The following ARSB variants were observed in gnomAD, a reference collection of about 807,000 sequenced individuals.
ARSB encodes the protein N-acetylgalactosamine-4-sulfatase.
A neutral mutation model predicts 50.9 loss-of-function variants in ARSB; 41 were observed. That is an observed-to-expected ratio of 0.81 (90% CI 0.63 to 1.04). The LOEUF (loss-of-function observed/expected upper bound fraction) is 1.04. ARSB is among the 50% of genes least tolerant of loss of function. The probability of loss-of-function intolerance (pLI) is 0.00; values close to 1 mark genes in which losing one functional copy is unlikely to be tolerated. For missense variants in ARSB, 672 were observed against 693.3 expected (o/e 0.97, Z 0.35); for synonymous variants, 269 against 284.8 (o/e 0.94, Z 0.56).
rs374660597 is a variant in ARSB, at chr5:78,976,357, G to A, written c.313-7165C>T. Among the ~76,000 whole-genome samples the A allele has an allele frequency of 1.0e-4, 14 of 140,494 alleles. No homozygotes were observed. The East Asian group carries it at 2.8e-3, about 28-fold the overall frequency. 92.2% of individuals were successfully genotyped at this position (140,494 alleles called of 152,430 possible). A position where few individuals can be genotyped will look rare whatever the true frequency, so the allele number is the denominator to read the frequency against. On this transcript the variant is annotated intron_variant, in intron 1 of 7. Transcript: ENST00000264914. ...ACTGGAGTGCAGTGGCACCATCCTG[G>A]CTCACTGCAAACTCTGCCTCCCCAG...
At chr5:78,964,084 A>T (rs1223629315) in intron 3 of ARSB, among the ~76,000 whole-genome samples, 1 of 152,200 alleles carries the variant, frequency 6.6e-6, no homozygotes, top group Non-Finnish European at 1.5e-5. Flanking sequence ...CAAAATTTTT[A>T]AACTATATTT....
At chr5:78,790,634 T>A (rs1009705943) in intron 6 of ARSB, among the ~76,000 whole-genome samples, 5 of 152,260 alleles carry the variant, frequency 3.3e-5, no homozygotes, top group African/African-American at 1.2e-4. Flanking sequence ...AAGTGTTCTA[T>A]GTATAACTCA....
intron 5 of ARSB, among the ~76,000 whole-genome samples, chr5:78,846,514 A>G (rs1745451008): frequency 6.6e-6 from 1 of 152,182 alleles, no homozygotes; most frequent in Non-Finnish European, 1.5e-5. Context: ...TATGAATATG[A>G]GATATCTTTT....
chr5:78,790,712 T>C (rs79995260), intron 6 of ARSB, among the ~76,000 whole-genome samples: 12,433 of 152,260 alleles, frequency 0.082, 594 homozygotes, highest in Middle Eastern at 0.17. Context: ...GTAGCTATTA[T>C]CATCAGTATA....
At chr5:78,818,399 A>T (rs1744081220) in intron 6 of ARSB, among the ~76,000 whole-genome samples, 1 of 152,196 alleles carries the variant, frequency 6.6e-6, no homozygotes, top group African/African-American at 2.4e-5. Context: ...ACTCTTAGTT[A>T]TATCTGAGAT....
At chr5:78,786,926 T>C (rs1338364542) in intron 6 of ARSB, among the ~76,000 whole-genome samples, 2 of 151,638 alleles carry the variant, frequency 1.3e-5, no homozygotes, top group African/African-American at 2.4e-5. Context: ...CTTTTGTATA[T>C]AGATATCTCA....
chr5:78,795,636 T>C (rs1330693264), intron 6 of ARSB, among the ~76,000 whole-genome samples: 1 of 152,202 alleles, frequency 6.6e-6, no homozygotes, highest in Non-Finnish European at 1.5e-5. Flanking sequence ...TGTCTGTCCT[T>C]GGAGAAATTC....
chr5:78,783,017 C>A (rs946372527), intron 6 of ARSB, among the ~76,000 whole-genome samples: 2 of 152,188 alleles, frequency 1.3e-5, no homozygotes, highest in Admixed American at 6.5e-5. Context: ...AAGAGTTCTA[C>A]TCTTGTGGAA....
chr5:78,852,336 G>A (rs1745846899), intron 5 of ARSB, among the ~76,000 whole-genome samples: 1 of 152,166 alleles, frequency 6.6e-6, no homozygotes, highest in African/African-American at 2.4e-5. Flanking sequence ...GGCTGGATAT[G>A]AAATTCTGGG....
intron 5 of ARSB, among the ~76,000 whole-genome samples, chr5:78,849,212 G>A (rs1408701232): frequency 2.0e-5 from 3 of 152,036 alleles, no homozygotes; most frequent in Admixed American, 6.5e-5. Flanking sequence ...TAACGTTTAA[G>A]TCTTTAATCC....
chr5:78,856,445 T>C (rs768664035), intron 5 of ARSB, among the ~76,000 whole-genome samples: 1 of 152,246 alleles, frequency 6.6e-6, no homozygotes, highest in African/African-American at 2.4e-5. Flanking sequence ...CTATAATCAA[T>C]ATCTTAATAT....
intron 6 of ARSB, among the ~76,000 whole-genome samples, chr5:78,785,035 T>C (rs532033449): frequency 1.3e-5 from 2 of 152,208 alleles, no homozygotes; most frequent in Admixed American, 6.5e-5. Flanking sequence ...CCTGACCTCA[T>C]GATCCGCCCG....
At chr5:78,847,415 C>A (rs1223305408) in intron 5 of ARSB, among the ~76,000 whole-genome samples, 1 of 152,168 alleles carries the variant, frequency 6.6e-6, no homozygotes, top group Admixed American at 6.5e-5. Flanking sequence ...GCATGAGACA[C>A]CACACCTGGC....
At chr5:78,801,705 C>T (rs185547661) in intron 6 of ARSB, among the ~76,000 whole-genome samples, 4 of 152,208 alleles carry the variant, frequency 2.6e-5, no homozygotes, top group East Asian at 1.9e-4. Flanking sequence ...AATGTGAGTG[C>T]GGTTGGGAGC....
At position 78,842,438 on chromosome 5, in the gene ARSB, T is replaced by C. The variant is rs142356840; in HGVS notation, c.1143-3012A>G. ...GGGGAGGAGAATCCTCAGGGCTGAA[T>C]GCCATATATAGGAAGAGCATGCCCC... On this transcript the variant is annotated intron_variant, in intron 5 of 7. Coordinates refer to ENST00000264914, the MANE Select transcript of ARSB (RefSeq NM_000046.5). Among the ~76,000 whole-genome samples, 9 of 152,248 alleles carry C rather than the reference T, an allele frequency of 5.9e-5. No individual in the cohort carries two copies. The East Asian group carries it at 1.7e-3, about 29-fold the overall frequency.
At chr5:78,787,176 T>A (rs10942867) in intron 6 of ARSB, among the ~76,000 whole-genome samples, 38,781 of 151,264 alleles carry the variant, frequency 0.26, 6,869 homozygotes, top group African/African-American at 0.5. Context: ...GGCTGGTCTC[T>A]AGCTCCTGGC....
At chr5:78,933,902 AT>A (rs1460952572) in intron 4 of ARSB, among the ~76,000 whole-genome samples, 6 of 152,220 alleles carry the variant, frequency 3.9e-5, no homozygotes, top group Non-Finnish European at 8.8e-5. Context: ...AGAAGGAAGA[AT>A]AGACTAGAGT....
At chr5:78,948,386 A>T (rs1751345443) in intron 4 of ARSB, among the ~76,000 whole-genome samples, 1 of 152,210 alleles carries the variant, frequency 6.6e-6, no homozygotes. Flanking sequence ...GTGTGCCTGT[A>T]TCAAAATATC....
chr5:78,926,364 G>A (rs16876106), intron 4 of ARSB, among the ~76,000 whole-genome samples: 7,066 of 152,148 alleles, frequency 0.046, 348 homozygotes, highest in African/African-American at 0.12. Context: ...GTATGATCGT[G>A]GTTCCTGTCC....
Sources: allele counts gnomAD v4.1 joint callset (sites outside exome capture counted in the v4.1 genomes callset), GRCh38; gene constraint gnomAD v4.1.1; transcripts MANE v1.5; gene names NCBI Gene and HGNC (gene_info 2026-07-23, HGNC 2026-07-21).